The following PROCR variants were observed in gnomAD, a reference collection of about 807,000 sequenced individuals.
PROCR encodes endothelial protein C receptor.
Under a neutral mutation model 24.2 loss-of-function variants are expected in PROCR, and 22 were observed. The ratio of observed to expected loss-of-function variants is 0.91; its 90% CI spans 0.65 to 1.30. The LOEUF is 1.30. Ranked by LOEUF, PROCR falls within the 50% of genes most tolerant of loss-of-function variation. The pLI is 0.00. For synonymous variants in PROCR, 137 were observed against 139.2 expected (o/e 0.98, Z 0.11); for missense variants, 288 against 307.7 (o/e 0.94, Z 0.48).
chr20:35,187,745 G>A (rs886115919), intron 1 of PROCR, among the ~76,000 whole-genome samples: 1 of 152,206 alleles, frequency 6.6e-6, no homozygotes, highest in Admixed American at 6.5e-5. Context: ...CATGTTCATA[G>A]CTACATGACC....
chr20:35,183,552 A>G (rs1462104555), intron 1 of PROCR, among the ~76,000 whole-genome samples: 1 of 152,180 alleles, frequency 6.6e-6, no homozygotes, highest in Non-Finnish European at 1.5e-5. Context: ...CTTTTCTTTT[A>G]TAAATTAGCC....
chr20:35,173,423 CTTTTTTTT>C lies in PROCR; in HGVS notation c.70+1216_70+1223del, dbSNP rs58785250. The stretch of plus-strand genomic sequence containing the variant: ...TTTTCTTTGCTTTTCTTTCTTTTTT[CTTTTTTTT>C]TTTTTTTTTTTTTTTTGAGATGGAG... On this transcript the variant is annotated intron_variant, in intron 1 of 3. Transcript: ENST00000216968. Among the ~76,000 whole-genome samples, 12 of 88,152 alleles carry C rather than the reference CTTTTTTTT, an allele frequency of 1.4e-4. No individual in the cohort carries two copies. The East Asian group carries it at 1.8e-3, about 13-fold the overall frequency. The allele number at this position is 88,152 out of a possible 152,430, so 57.8% of individuals were successfully genotyped here.
At chr20:35,171,840 T>G (rs1048303595), upstream of PROCR, among the ~76,000 whole-genome samples, 1 of 151,936 alleles carries the variant, frequency 6.6e-6, no homozygotes, top group Non-Finnish European at 1.5e-5. Flanking sequence ...CTCCCCCTTT[T>G]CCGCTCCCTG....
chr20:35,208,316 G>A (rs1019805629), intron 1 of PROCR, among the ~76,000 whole-genome samples: 3 of 152,136 alleles, frequency 2.0e-5, no homozygotes, highest in African/African-American at 4.8e-5. Context: ...TTCCACAGTC[G>A]TATAGCCAAA....
intron 1 of PROCR, among the ~76,000 whole-genome samples, chr20:35,201,421 C>T (rs1351367808): frequency 6.6e-6 from 1 of 152,182 alleles, no homozygotes; most frequent in African/African-American, 2.4e-5. Flanking sequence ...GGTGCGGTGG[C>T]TCACGCCTGC....
chr20:35,178,508 T>TTTTG (rs1491460051), downstream of PROCR, among the ~76,000 whole-genome samples: 47 of 5,690 alleles, frequency 8.3e-3, 14 homozygotes, highest in African/African-American at 0.08. Flanking sequence ...CAAGTCTCAG[T>TTTTG]TTTTTTTTTT....
At chr20:35,180,257 A>AATAAATAAATAT (rs59814660), downstream of PROCR, among the ~76,000 whole-genome samples, 2 of 151,066 alleles carry the variant, frequency 1.3e-5, no homozygotes, top group South Asian at 2.1e-4. Context: ...CAAATAAATA[A>AATAAATAAATAT]ATAAATACAT....
chr20:35,177,051 G>T lies in PROCR; in HGVS notation c.*238G>T. 4 of 1,321,576 alleles carry T rather than the reference G, an allele frequency of 3.0e-6. No homozygotes were observed. The highest frequency in any genetic ancestry group is 3.9e-6 in the Non-Finnish European group (4 of 1,028,380). 81.9% of individuals were successfully genotyped at this position (1,321,576 alleles called of 1,614,324 possible). On this transcript the variant is annotated 3_prime_UTR_variant, in exon 4 of 4. Transcript: ENST00000216968. The stretch of plus-strand genomic sequence containing the variant: ...CGTGTATGCTTTGCTGAATTAGTCT[G>T]ATAAGTGAATGTTTATCTATCTTTG...
chr20:35,175,417 GTTC>G (rs1438954227), intron 2 of PROCR, among the ~76,000 whole-genome samples: 1 of 140,392 alleles, frequency 7.1e-6, no homozygotes, highest in Non-Finnish European at 1.5e-5. Context: ...AAGACCCCAA[GTTC>G]TTCTCTCAAA....
chr20:35,206,189 C>A (rs193278515), intron 1 of PROCR, among the ~76,000 whole-genome samples: 7 of 151,350 alleles, frequency 4.6e-5, no homozygotes, highest in East Asian at 4.0e-4. Context: ...TATAAAGAAC[C>A]CTCAGTAGGG....
intron 1 of PROCR, among the ~76,000 whole-genome samples, chr20:35,182,686 T>C (rs1260099960): frequency 6.6e-6 from 1 of 151,972 alleles, no homozygotes; most frequent in Non-Finnish European, 1.5e-5. Flanking sequence ...AAAAATGTGA[T>C]GTTATGTGGC....
intron 1 of PROCR, among the ~76,000 whole-genome samples, chr20:35,185,030 C>CAAAAAAAA (rs55715132): frequency 1.1e-4 from 11 of 104,076 alleles, no homozygotes; most frequent in East Asian, 6.5e-4. Context: ...ATCAGTAAGA[C>CAAAAAAAA]AAAAAAAAAA....
intron 1 of PROCR, among the ~76,000 whole-genome samples, chr20:35,173,286 C>T (rs537437915): frequency 4.6e-5 from 7 of 151,954 alleles, no homozygotes; most frequent in South Asian, 4.2e-4. Context: ...GGTAGTATCC[C>T]GTGAGATACA....
At chr20:35,210,454 G>A (rs931926438) in intron 1 of PROCR, among the ~76,000 whole-genome samples, 2 of 151,900 alleles carry the variant, frequency 1.3e-5, no homozygotes, top group Admixed American at 1.3e-4. Flanking sequence ...GGCTGAGGCG[G>A]GAGGATCACT....
chr20:35,177,635 ATGGGG>A (rs1026131823), downstream of PROCR, among the ~76,000 whole-genome samples: 3 of 151,638 alleles, frequency 2.0e-5, no homozygotes, highest in Non-Finnish European at 2.9e-5. Flanking sequence ...TTTAGTAGAG[ATGGGG>A]TTTCACCACG....
chr20:35,208,835 G>T (rs1173295160), intron 1 of PROCR, among the ~76,000 whole-genome samples: 2 of 152,096 alleles, frequency 1.3e-5, no homozygotes, highest in East Asian at 3.9e-4. Flanking sequence ...AGCCGGGCAT[G>T]GTGGCACGCA....
chr20:35,201,290 CA>C (rs1425846132), intron 1 of PROCR, among the ~76,000 whole-genome samples: 1 of 151,850 alleles, frequency 6.6e-6, no homozygotes, highest in African/African-American at 2.4e-5. Flanking sequence ...ATGGAGGAGA[CA>C]AGCAGAAAAA....
chr20:35,176,234 T>A lies in PROCR; in HGVS notation c.389T>A (p.Phe130Tyr). 1 of 1,614,182 alleles carries A rather than the reference T, an allele frequency of 6.2e-7. No homozygotes were observed. Among genetic ancestry groups the A allele is most frequent in the Non-Finnish European group, 8.5e-7 (1 of 1,180,040 alleles). ...CCCGAGGGCTCTAGAGCCCATGTCT[T>A]CTTCGAAGTGGCTGTGAATGGGAGC... ...LPPEGSRAHV[F>Y]FEVAVNGSSF... The change falls in exon 3 of 4, where the codon TTC (phenylalanine) becomes TAC (tyrosine). Residue 130 changes from phenylalanine (F) to tyrosine (Y), a missense_variant. Transcript: ENST00000216968.
chr20:35,205,860 C>T (rs1205515736), intron 1 of PROCR, among the ~76,000 whole-genome samples: 3 of 134,988 alleles, frequency 2.2e-5, no homozygotes, highest in East Asian at 2.1e-4. Flanking sequence ...TATACATATA[C>T]ATATGTATAC....
Sources: gnomAD v4.1 joint callset for allele counts (sites outside exome capture counted in the v4.1 genomes callset) on GRCh38, gnomAD v4.1.1 for gene constraint, MANE v1.5 for transcripts, NCBI Gene and HGNC (gene_info 2026-07-23, HGNC 2026-07-21) for gene names.